Variants in GLCCI1 observed in about 807,000 individuals in gnomAD.
GLCCI1 encodes the protein glucocorticoid-induced transcript 1 protein.
GLCCI1 carries 24 observed loss-of-function variants against 52.2 expected under a neutral mutation model. The observed-to-expected ratio is 0.46, with a 90% confidence interval of 0.33 to 0.65. GLCCI1 has a LOEUF of 0.65. Ranked by LOEUF, GLCCI1 falls within the 30% of genes least tolerant of loss-of-function variation. GLCCI1 has a pLI of 0.02. For missense variants in GLCCI1, 704 were observed against 701.5 expected (o/e 1.00, Z -0.04); for synonymous variants, 310 against 276.5 (o/e 1.12, Z -1.20).
Position 8,085,481 on chromosome 7 carries a change from A to T in GLCCI1, c.1298+464A>T, listed in dbSNP as rs1188517939. 2.0e-5 allele frequency among the ~76,000 whole-genome samples: 3 copies of T among 152,226 alleles called. No individual in the cohort carries two copies. The East Asian group carries it at 5.8e-4, about 29-fold the overall frequency. On this transcript the variant is annotated intron_variant, in intron 7 of 7. Coordinates refer to ENST00000223145, the MANE Select transcript of GLCCI1 (RefSeq NM_138426.4). ...TCTTCATGAAATTTTAATATGTGTAAGTTAGAAATGAAATTAGAAAAAGAG... is the reference window on the plus strand; with the variant it reads ...TCTTCATGAAATTTTAATATGTGTATGTTAGAAATGAAATTAGAAAAAGAG...
Position 8,060,133 on chromosome 7 carries a change from A to G in GLCCI1, c.851A>G (p.Asn284Ser). The G allele has an allele frequency of 2.5e-6, 4 of 1,613,818 alleles. No homozygotes were observed. The highest frequency in any genetic ancestry group is 3.4e-6 in the Non-Finnish European group (4 of 1,179,826). ...AGGTCAGTTCCTATGCCACTGTCAA[A>G]TATATCAGTGCCAAAATCATCTGTT... Reference protein sequence around the residue: ...GSRSVPMPLSNISVPKSSVSR... With the variant: ...GSRSVPMPLSSISVPKSSVSR... The change falls in exon 5 of 8, where the codon AAT (asparagine) becomes AGT (serine). Residue 284 changes from asparagine (N) to serine (S), a missense_variant. Around this residue, in one of 3 missense-constraint regions of GLCCI1, gnomAD observed 547 missense variants for 524.8 expected, o/e 1.04. Coordinates refer to ENST00000223145, the MANE Select transcript of GLCCI1 (RefSeq NM_138426.4).
chr7:7,976,478 T>G (rs1258252567), intron 1 of GLCCI1, among the ~76,000 whole-genome samples: 1 of 4,820 alleles, frequency 2.1e-4, no homozygotes, highest in Admixed American at 3.5e-3. Flanking sequence ...AAACTCCATC[T>G]CAAAAAAAAA....
intron 2 of GLCCI1, among the ~76,000 whole-genome samples, chr7:8,005,855 A>G (rs1341978973): frequency 6.6e-6 from 1 of 151,804 alleles, no homozygotes; most frequent in African/African-American, 2.4e-5. Flanking sequence ...CTGGAGTGCA[A>G]TGGTGTGATC....
intron 5 of GLCCI1, among the ~76,000 whole-genome samples, chr7:8,064,512 ATAG>A (rs1374468502): frequency 6.6e-6 from 1 of 152,006 alleles, no homozygotes; most frequent in Non-Finnish European, 1.5e-5. Context: ...TCCTTGTAAT[ATAG>A]TATGAAGTCA....
intron 5 of GLCCI1, among the ~76,000 whole-genome samples, chr7:8,060,612 A>G (rs1782492791): frequency 6.6e-6 from 1 of 152,170 alleles, no homozygotes; most frequent in Admixed American, 6.5e-5. Flanking sequence ...GATTTTTTTT[A>G]ACTTAGCATA....
chr7:8,047,723 T>C (rs1038634216), intron 3 of GLCCI1, among the ~76,000 whole-genome samples: 1 of 152,222 alleles, frequency 6.6e-6, no homozygotes, highest in Non-Finnish European at 1.5e-5. Context: ...ACAACACAAC[T>C]AAGACTTTTA....
chr7:8,046,404 C>T (rs555337349), intron 3 of GLCCI1, among the ~76,000 whole-genome samples: 1 of 152,288 alleles, frequency 6.6e-6, no homozygotes, highest in African/African-American at 2.4e-5. Context: ...TTTATGCCCT[C>T]CTCCCTTTTG....
chr7:8,032,465 G>C (rs1781776243), intron 3 of GLCCI1, among the ~76,000 whole-genome samples: 1 of 151,970 alleles, frequency 6.6e-6, no homozygotes, highest in African/African-American at 2.4e-5. Flanking sequence ...GTAACTAAAA[G>C]TTTGCAGAGA....
intron 2 of GLCCI1, among the ~76,000 whole-genome samples, chr7:8,007,686 A>G (rs1338972167): frequency 4.6e-5 from 7 of 152,208 alleles, no homozygotes; most frequent in Admixed American, 2.6e-4. Flanking sequence ...GGAAGGTGGT[A>G]TACTCAGCTT....
intron 5 of GLCCI1, among the ~76,000 whole-genome samples, chr7:8,063,795 T>A (rs1782570638): frequency 1.3e-5 from 2 of 151,700 alleles, no homozygotes; most frequent in Non-Finnish European, 1.5e-5. Flanking sequence ...ATTTTTTTTT[T>A]AATTTTAGTA....
intron 1 of GLCCI1, among the ~76,000 whole-genome samples, chr7:7,990,385 CTT>C (rs1017817444): frequency 3.4e-4 from 51 of 152,196 alleles, no homozygotes; most frequent in South Asian, 1.9e-3. Context: ...TCAATTGACT[CTT>C]TTTGACAAAG....
intron 6 of GLCCI1, among the ~76,000 whole-genome samples, chr7:8,076,375 T>C (rs1288481236): frequency 1.3e-5 from 2 of 152,186 alleles, no homozygotes; most frequent in Non-Finnish European, 2.9e-5. Context: ...AATTACAGCA[T>C]ATAAAGATAT....
intron 1 of GLCCI1, among the ~76,000 whole-genome samples, chr7:7,971,481 T>C (rs1780351575): frequency 6.6e-6 from 1 of 152,244 alleles, no homozygotes; most frequent in Admixed American, 6.5e-5. Flanking sequence ...TGGGATTTTC[T>C]TGTAGGGACT....
At chr7:8,063,179 C>T (rs1369321134) in intron 5 of GLCCI1, among the ~76,000 whole-genome samples, 2 of 152,070 alleles carry the variant, frequency 1.3e-5, no homozygotes, top group South Asian at 2.1e-4. Context: ...GCTCTGTTGC[C>T]CAGGTTGGAG....
chr7:8,070,687 A>G (rs890025835), intron 5 of GLCCI1: 5 of 467,098 alleles, frequency 1.1e-5, no homozygotes, highest in African/African-American at 3.9e-5. Flanking sequence ...CTACAGGTAC[A>G]TACAGTGAGC....
chr7:7,981,175 G>C, intron 1 of GLCCI1: 1 of 382,224 alleles, frequency 2.6e-6, no homozygotes, highest in South Asian at 2.1e-5. Flanking sequence ...ATACTCTCTA[G>C]ATTTGGGCCA....
At chr7:7,974,043 G>C (rs1188099388) in intron 1 of GLCCI1, among the ~76,000 whole-genome samples, 1 of 151,860 alleles carries the variant, frequency 6.6e-6, no homozygotes, top group Admixed American at 6.6e-5. Flanking sequence ...ATAGATACTT[G>C]TTTCAAAGCT....
Position 8,088,440 on chromosome 7 carries a change from G to A in GLCCI1, c.*1902G>A, listed in dbSNP as rs1016366672. On this transcript the variant is annotated 3_prime_UTR_variant, in exon 8 of 8. Coordinates refer to ENST00000223145, the MANE Select transcript of GLCCI1 (RefSeq NM_138426.4). ...GTTTACTTTCGTCATTTTCACAGGGGAACCTTTTAAAACAATCTTTTCAGC... is the reference window on the plus strand; with the variant it reads ...GTTTACTTTCGTCATTTTCACAGGGAAACCTTTTAAAACAATCTTTTCAGC... 6.6e-6 allele frequency: 1 copy of A among 152,526 alleles called. No homozygotes were observed. Among genetic ancestry groups the A allele is most frequent in the Admixed American group, 6.5e-5 (1 of 15,272 alleles). The allele number at this position is 152,526 out of a possible 1,614,324, so 9.4% of individuals were successfully genotyped here.
At chr7:7,978,527 T>C (rs116863992) in intron 1 of GLCCI1, among the ~76,000 whole-genome samples, 2,087 of 152,296 alleles carry the variant, frequency 0.014, 16 homozygotes, top group Middle Eastern at 0.034. Context: ...TGGGGTGTTT[T>C]GGCATTTTTT....
Sources: gnomAD v4.1 joint callset for allele counts (sites outside exome capture counted in the v4.1 genomes callset) on GRCh38, gnomAD v4.1.1 for gene constraint, gnomAD v4.1.1 regional missense constraint, MANE v1.5 for transcripts, NCBI Gene and HGNC (gene_info 2026-07-23, HGNC 2026-07-21) for gene names.